The following PEBP4 variants were observed in gnomAD, a reference collection of about 807,000 sequenced individuals.
PEBP4 encodes phosphatidylethanolamine binding protein 4.
PEBP4 carries 22 observed loss-of-function variants against 23.9 expected under a neutral mutation model. That is an observed-to-expected ratio of 0.92 (90% CI 0.66 to 1.31). The LOEUF is 1.31. Among genes scored for constraint, PEBP4 ranks in the 40% most tolerant of loss-of-function variants. The pLI, the probability that PEBP4 is intolerant of heterozygous loss-of-function variation, is 0.00. For synonymous variants in PEBP4, 112 were observed against 99.3 expected (o/e 1.13, Z -0.76); for missense variants, 324 against 281.7 (o/e 1.15, Z -1.07).
At chr8:22,912,117 G>A (rs970632200) in intron 3 of PEBP4, among the ~76,000 whole-genome samples, 3 of 152,180 alleles carry the variant, frequency 2.0e-5, no homozygotes, top group African/African-American at 4.8e-5. Context: ...AGAAGGCCAC[G>A]AGGATAAGGA....
At chr8:22,938,449 G>T (rs1341046356) in intron 1 of PEBP4, among the ~76,000 whole-genome samples, 1 of 152,130 alleles carries the variant, frequency 6.6e-6, no homozygotes, top group African/African-American at 2.4e-5. Context: ...TGTCATATCT[G>T]CAGACAGCAT....
chr8:22,770,657 G>C (rs1319286069), intron 4 of PEBP4, among the ~76,000 whole-genome samples: 3 of 152,230 alleles, frequency 2.0e-5, no homozygotes, highest in Non-Finnish European at 4.4e-5. Flanking sequence ...AAGACACCCT[G>C]CCCAGGCTGA....
chr8:22,889,991 G>T (rs997344267), intron 3 of PEBP4, among the ~76,000 whole-genome samples: 2 of 152,186 alleles, frequency 1.3e-5, no homozygotes, highest in Non-Finnish European at 2.9e-5. Context: ...TGAGGTCTCT[G>T]AGCAAGCCGC....
intron 4 of PEBP4, among the ~76,000 whole-genome samples, chr8:22,795,739 CT>C (rs1243151282): frequency 2.0e-5 from 3 of 152,176 alleles, no homozygotes; most frequent in African/African-American, 7.2e-5. Flanking sequence ...ATATTCAAGT[CT>C]TTTACATTCT....
chr8:22,925,875 A>G (rs1809316360), intron 2 of PEBP4, among the ~76,000 whole-genome samples: 2 of 152,244 alleles, frequency 1.3e-5, no homozygotes, highest in African/African-American at 4.8e-5. Context: ...CTCACTCAGC[A>G]GAGCACCTAG....
At chr8:22,799,952 C>T (rs1806348161) in intron 4 of PEBP4, among the ~76,000 whole-genome samples, 1 of 152,208 alleles carries the variant, frequency 6.6e-6, no homozygotes, top group African/African-American at 2.4e-5. Context: ...TTGGAACCAA[C>T]CCAAATGTCC....
At chr8:22,863,603 A>C (rs1397433678) in intron 3 of PEBP4, among the ~76,000 whole-genome samples, 1 of 152,084 alleles carries the variant, frequency 6.6e-6, no homozygotes, top group Non-Finnish European at 1.5e-5. Context: ...ATACCAGGAG[A>C]GTATTCCCCA....
At chr8:22,880,259 C>T (rs1037392956) in intron 3 of PEBP4, among the ~76,000 whole-genome samples, 3 of 152,184 alleles carry the variant, frequency 2.0e-5, no homozygotes, top group Admixed American at 6.5e-5. Flanking sequence ...AGTGGGTGCC[C>T]ATGTGACCTT....
intron 4 of PEBP4, among the ~76,000 whole-genome samples, chr8:22,791,833 T>C (rs2128757007): frequency 6.6e-6 from 1 of 151,772 alleles, no homozygotes; most frequent in Non-Finnish European, 1.5e-5. Context: ...GCCTGTGCAC[T>C]AGGGGGCTAA....
At chr8:22,849,576 C>T (rs1391007511) in intron 3 of PEBP4, among the ~76,000 whole-genome samples, 7 of 152,172 alleles carry the variant, frequency 4.6e-5, no homozygotes, top group Non-Finnish European at 1.0e-4. Context: ...TTTCCGTGCC[C>T]ACTGCCAAGT....
At chr8:22,801,588 A>G (rs1185055372) in intron 4 of PEBP4, among the ~76,000 whole-genome samples, 1 of 152,126 alleles carries the variant, frequency 6.6e-6, no homozygotes, top group African/African-American at 2.4e-5. Flanking sequence ...GTTCCCAAAG[A>G]GATGAAGGAT....
intron 3 of PEBP4, among the ~76,000 whole-genome samples, chr8:22,828,440 TG>T (rs1332067730): frequency 1.3e-5 from 2 of 152,204 alleles, no homozygotes; most frequent in South Asian, 2.1e-4. Flanking sequence ...TTCTTTGCTC[TG>T]GAACTGCCAC....
intron 3 of PEBP4, among the ~76,000 whole-genome samples, chr8:22,878,702 G>T (rs118046784): frequency 0.013 from 1,999 of 152,330 alleles, 19 homozygotes; most frequent in Middle Eastern, 0.027. Context: ...TCCAAACAGG[G>T]GTGCATTCCC....
At chr8:22,922,461 A>G (rs1809225559) in intron 2 of PEBP4, among the ~76,000 whole-genome samples, 1 of 73,710 alleles carries the variant, frequency 1.4e-5, no homozygotes, top group Non-Finnish European at 3.6e-5. Flanking sequence ...ACGGTGGCTC[A>G]TGCCTATAAT....
chr8:22,831,251 T>G (rs962050398), intron 3 of PEBP4, among the ~76,000 whole-genome samples: 1 of 152,234 alleles, frequency 6.6e-6, no homozygotes, highest in African/African-American at 2.4e-5. Context: ...TCCTTGCATT[T>G]CTTTCCCTCT....
At chr8:22,916,416 A>T (rs189871023) in intron 3 of PEBP4, among the ~76,000 whole-genome samples, 106 of 152,272 alleles carry the variant, frequency 7.0e-4, no homozygotes, top group African/African-American at 2.5e-3. Flanking sequence ...GGAGCCAGCC[A>T]CGTTTTCCTG....
At chr8:22,864,079 C>T (rs1187188258) in intron 3 of PEBP4, among the ~76,000 whole-genome samples, 1 of 152,206 alleles carries the variant, frequency 6.6e-6, no homozygotes. Context: ...CTCCTGGGCA[C>T]ACAGAACATC....
chr8:22,821,813 G>A (rs1037408417), intron 3 of PEBP4, among the ~76,000 whole-genome samples: 10 of 152,048 alleles, frequency 6.6e-5, no homozygotes, highest in East Asian at 1.9e-4. Context: ...GTGAAACCCC[G>A]TCTCTACTAA....
chr8:22,850,752 C>T (rs1011151271), intron 3 of PEBP4, among the ~76,000 whole-genome samples: 10 of 152,156 alleles, frequency 6.6e-5, no homozygotes, highest in Non-Finnish European at 1.3e-4. Context: ...TATGTCTAGG[C>T]GCATACGCAG....
Sources: allele counts gnomAD v4.1 joint callset (sites outside exome capture counted in the v4.1 genomes callset), GRCh38; gene constraint gnomAD v4.1.1; transcripts MANE v1.5; gene names NCBI Gene and HGNC (gene_info 2026-07-23, HGNC 2026-07-21).